The following SCARB1 variants were observed in gnomAD, a reference collection of about 807,000 sequenced individuals.
SCARB1 encodes the protein scavenger receptor class B member 1, also known as CD36 and LIMPII analogous 1.
Under a neutral mutation model 57.2 loss-of-function variants are expected in SCARB1, and 30 were observed. The observed-to-expected ratio is 0.52, with a 90% confidence interval of 0.39 to 0.71. The LOEUF (loss-of-function observed/expected upper bound fraction) is 0.71. Ranked by LOEUF, SCARB1 falls within the 30% of genes least tolerant of loss-of-function variation. The probability of loss-of-function intolerance (pLI) is 0.00; values close to 1 mark genes in which losing one functional copy is unlikely to be tolerated. For missense variants in SCARB1, 543 were observed against 671.2 expected (o/e 0.81, Z 2.11); for synonymous variants, 249 against 268.3 (o/e 0.93, Z 0.70).
rs1950366973 is a variant in SCARB1 at position 124,807,655 on chromosome 12, A to G, written c.1009+106T>C. On this transcript the variant is annotated intron_variant, in intron 7 of 12. Coordinates refer to ENST00000261693, the MANE Select transcript of SCARB1 (RefSeq NM_005505.5). The surrounding 1 kb of genome is among the most constrained non-coding windows in gnomAD (Gnocchi z 5.3). ...TTATCTTCGCCTAATGGGATTATCA[A>G]GAGTACAGAGGCCAGAGATTAAGCA... is the stretch of plus-strand genomic sequence containing the variant. 1 of 1,097,042 alleles carries G rather than the reference A, an allele frequency of 9.1e-7. No homozygotes were observed. Among genetic ancestry groups the G allele is most frequent in the Non-Finnish European group, 1.3e-6 (1 of 742,934 alleles). 68.0% of individuals were successfully genotyped at this position (1,097,042 alleles called of 1,614,324 possible). A position where few individuals can be genotyped will look rare whatever the true frequency, so the allele number is the denominator to read the frequency against.
chr12:124,837,580 AAAGAAAAGAAAAGAAAAGTC>A lies in SCARB1; in HGVS notation c.127-19893_127-19874del, dbSNP rs1466230314. On this transcript the variant is annotated intron_variant, in intron 1 of 12. Coordinates refer to ENST00000261693, the MANE Select transcript of SCARB1 (RefSeq NM_005505.5). ...AAAGAAAAGAAAAGAAAAGAAAAGA[AAAGAAAAGAAAAGAAAAGTC>A]AGCCAGCTGGGTGCAGTGCTGCACG... Among the ~76,000 whole-genome samples the A allele has an allele frequency of 1.1e-3, 8 of 7,590 alleles. No homozygotes were observed. The Non-Finnish European group carries it at 0.046, about 44-fold the overall frequency. 5.0% of individuals were successfully genotyped at this position (7,590 alleles called of 152,430 possible).
At chr12:124,845,184 G>A (rs1025722445) in intron 1 of SCARB1, among the ~76,000 whole-genome samples, 1 of 152,112 alleles carries the variant, frequency 6.6e-6, no homozygotes, top group Admixed American at 6.6e-5. Flanking sequence ...GAACATGCGC[G>A]CTCCCAGCAG....
intron 1 of SCARB1, among the ~76,000 whole-genome samples, chr12:124,845,848 T>C (rs1211588341): frequency 1.1e-5 from 1 of 90,704 alleles, no homozygotes; most frequent in Non-Finnish European, 2.3e-5. Flanking sequence ...CTACTAAAAA[T>C]ACAAAAAAAA....
intron 1 of SCARB1, among the ~76,000 whole-genome samples, chr12:124,818,451 A>G (rs1950823784): frequency 6.6e-6 from 1 of 152,114 alleles, no homozygotes; most frequent in African/African-American, 2.4e-5. Context: ...CCCTGTCTCT[A>G]TAAAGAATAA....
intron 1 of SCARB1, among the ~76,000 whole-genome samples, chr12:124,826,605 C>T (rs1045148225): frequency 1.3e-5 from 2 of 151,832 alleles, no homozygotes; most frequent in East Asian, 1.9e-4. Flanking sequence ...CCACCACGCC[C>T]GGCTATTTTT....
chr12:124,862,602 T>A (rs1952942886), intron 1 of SCARB1: 1 of 152,198 alleles, frequency 6.6e-6, no homozygotes, highest in South Asian at 2.1e-4. Flanking sequence ...AGAGTGACAA[T>A]GTCCACATCT....
chr12:124,859,245 T>C lies in SCARB1; in HGVS notation c.126+4350A>G, dbSNP rs571946742. Among the ~76,000 whole-genome samples, 49 of 151,222 alleles carry C rather than the reference T, an allele frequency of 3.2e-4. No individual in the cohort carries two copies. The South Asian group carries it at 5.7e-3, about 18-fold the overall frequency. On this transcript the variant is annotated intron_variant, in intron 1 of 12. Transcript: ENST00000261693. ...ATTTTCTCTGTTAAAACAAAAATAA[T>C]GGCCGGGCATGGTGGCTCACGCCTG...
chr12:124,805,648 C>T (rs1219259289), intron 7 of SCARB1, among the ~76,000 whole-genome samples: 3 of 151,902 alleles, frequency 2.0e-5, no homozygotes, highest in African/African-American at 4.8e-5. Context: ...CAGCCTTGAC[C>T]TCTGGGCTTA....
chr12:124,797,501 G>C (rs781251810), intron 8 of SCARB1, among the ~76,000 whole-genome samples: 1 of 152,160 alleles, frequency 6.6e-6, no homozygotes, highest in Non-Finnish European at 1.5e-5. Flanking sequence ...TCCTCTCCCC[G>C]TCGGCCTCAA....
In SCARB1 at chr12:124,792,009, C is replaced by A. The variant is rs528771973; in HGVS notation, c.1202+3186G>T. On this transcript the variant is annotated intron_variant, in intron 9 of 12. Coordinates refer to ENST00000261693, the MANE Select transcript of SCARB1 (RefSeq NM_005505.5). ...CACAATTATTGGAGGTCTCTCAGGCCCCTTGTTAAGTAGGGTATTGCACAG... is the reference window on the plus strand; with the variant it reads ...CACAATTATTGGAGGTCTCTCAGGCACCTTGTTAAGTAGGGTATTGCACAG... Among the ~76,000 whole-genome samples, 21 of 151,888 alleles carry A rather than the reference C, an allele frequency of 1.4e-4. 1 individual carries two copies. The South Asian group carries it at 4.0e-3, about 29-fold the overall frequency.
intron 1 of SCARB1, among the ~76,000 whole-genome samples, chr12:124,860,731 C>T (rs1594418371): frequency 6.6e-6 from 1 of 152,188 alleles, no homozygotes; most frequent in East Asian, 1.9e-4. Context: ...GTCGGGATAT[C>T]GCTGTCATTT....
intron 9 of SCARB1, among the ~76,000 whole-genome samples, chr12:124,787,787 G>A (rs185330593): frequency 2.6e-5 from 4 of 151,764 alleles, no homozygotes; most frequent in Admixed American, 2.6e-4. Flanking sequence ...CTTTGAACCT[G>A]TGATCATAAG....
At chr12:124,823,088 A>G (rs147289655) in intron 1 of SCARB1, among the ~76,000 whole-genome samples, 8 of 152,372 alleles carry the variant, frequency 5.3e-5, no homozygotes, top group Admixed American at 2.6e-4. Context: ...AACAGGCAAG[A>G]CTAACATATC....
chr12:124,823,623 C>T (rs929076986), intron 1 of SCARB1, among the ~76,000 whole-genome samples: 8 of 152,136 alleles, frequency 5.3e-5, no homozygotes, highest in African/African-American at 1.9e-4. Flanking sequence ...CAACTCCACT[C>T]CCCAGAACAG....
At chr12:124,826,215 C>T (rs1415688933) in intron 1 of SCARB1, among the ~76,000 whole-genome samples, 1 of 151,380 alleles carries the variant, frequency 6.6e-6, no homozygotes, top group Non-Finnish European at 1.5e-5. Flanking sequence ...CCTATGGTCC[C>T]AGCTACTCAG....
intron 1 of SCARB1, among the ~76,000 whole-genome samples, chr12:124,847,523 C>T (rs932783879): frequency 5.9e-5 from 9 of 152,234 alleles, no homozygotes; most frequent in Admixed American, 4.6e-4. Flanking sequence ...CGTTTCCACC[C>T]GACCAGCCCT....
chr12:124,817,124 GTA>G lies in SCARB1; in HGVS notation c.284+424_284+425del, dbSNP rs1566191631. On this transcript the variant is annotated intron_variant, in intron 2 of 12. Coordinates refer to ENST00000261693, the MANE Select transcript of SCARB1 (RefSeq NM_005505.5). This position sits in a 1 kb window ranked among gnomAD's most constrained non-coding sequence, Gnocchi z 4.8. The stretch of plus-strand genomic sequence containing the variant: ...TATGTGTATGTACGTGTGTATGTAT[GTA>G]TGTGTGTATGTGTATGTGTATGTGT... Among the ~76,000 whole-genome samples, 6 of 109,140 alleles carry G rather than the reference GTA, an allele frequency of 5.5e-5. No individual in the cohort carries two copies. Among genetic ancestry groups the G allele is most frequent in the South Asian group, 5.8e-4 (2 of 3,444 alleles). The allele number at this position is 109,140 out of a possible 152,430, so 71.6% of individuals were successfully genotyped here.
intron 9 of SCARB1, among the ~76,000 whole-genome samples, chr12:124,790,580 GTTT>G (rs1302241576): frequency 2.6e-5 from 4 of 152,190 alleles, no homozygotes; most frequent in Non-Finnish European, 5.9e-5. Context: ...CTGCAAGATA[GTTT>G]TTAAAAGTGA....
Position 124,815,196 on chromosome 12 carries a change from G to A in SCARB1, c.285-82C>T, listed in dbSNP as rs1950663628. ...TCTACTCGCCTGCAATGCCTGCCTG[G>A]GAACCAGGGGCCCTGGACGTCTGTG... On this transcript the variant is annotated intron_variant, in intron 2 of 12. Coordinates refer to ENST00000261693, the MANE Select transcript of SCARB1 (RefSeq NM_005505.5). 2.0e-6 allele frequency: 3 copies of A among 1,517,794 alleles called. No homozygotes were observed. In the South Asian group the frequency reaches 3.4e-5, roughly 17 times the overall value. 94.0% of individuals were successfully genotyped at this position (1,517,794 alleles called of 1,614,324 possible).
Sources: allele counts gnomAD v4.1 joint callset (sites outside exome capture counted in the v4.1 genomes callset), GRCh38; gene constraint gnomAD v4.1.1; non-coding constraint Gnocchi (gnomAD v3.1); transcripts MANE v1.5; gene names NCBI Gene and HGNC (gene_info 2026-07-23, HGNC 2026-07-21).